Variants in NCCRP1 observed in about 807,000 individuals in gnomAD.
NCCRP1 encodes NCCRP1, F-box associated domain containing.
Under a neutral mutation model 34.4 loss-of-function variants are expected in NCCRP1, and 32 were observed. The ratio of observed to expected loss-of-function variants is 0.93; its 90% confidence interval spans 0.70 to 1.25. The LOEUF is 1.25. Ranked by LOEUF, NCCRP1 falls within the 50% of genes most tolerant of loss-of-function variation. The pLI, the probability that NCCRP1 is intolerant of heterozygous loss-of-function variation, is 0.00. For missense variants in NCCRP1, 372 were observed against 391.8 expected, an observed-to-expected ratio of 0.95 and a Z score of 0.43; for synonymous variants, 172 against 180.1, an observed-to-expected ratio of 0.95 and a Z score of 0.36.
rs1295146262 is a variant in NCCRP1 at position 39,200,523 on chromosome 19, G to C, written c.687+39G>C. On this transcript the variant is annotated intron_variant, in intron 5 of 5. Coordinates refer to ENST00000339852, the MANE Select transcript of NCCRP1 (RefSeq NM_001001414.2). The surrounding 1 kb of genome is among the most constrained non-coding windows in gnomAD (Gnocchi z 5.8). ...CGCCGGGGCCCTCAACCCCAGACGTGTGTTCTTGTCCCAAGACCTCACAGA... is the reference window on the plus strand; with the variant it reads ...CGCCGGGGCCCTCAACCCCAGACGTCTGTTCTTGTCCCAAGACCTCACAGA... 2 of 1,610,854 alleles carry C rather than the reference G, an allele frequency of 1.2e-6. No homozygotes were observed. Among genetic ancestry groups the C allele is most frequent in the African/African-American group, 2.7e-5 (2 of 74,888 alleles).
chr19:39,199,172 G>C lies in NCCRP1; in HGVS notation c.455G>C (p.Trp152Ser). The C allele has an allele frequency of 2.5e-6, 4 of 1,613,992 alleles. No individual in the cohort carries two copies. Among genetic ancestry groups the C allele is most frequent in the Non-Finnish European group, 3.4e-6 (4 of 1,179,878 alleles). ...CTCTCCCGGCCCTTCTTTCACAGCT[G>C]GACAGTGAAGCAGCAGTGTGTGGAC... The part of the protein sequence containing the change: ...RTEKLQQNQS[W>S]TVKQQCVDLL... The change falls in exon 4 of 6, where the codon TGG becomes TCG. Residue 152 changes from tryptophan to serine, a missense_variant and splice_region_variant. Coordinates refer to ENST00000339852, the MANE Select transcript of NCCRP1 (RefSeq NM_001001414.2).
At position 39,201,209 on chromosome 19, in the gene NCCRP1, C is replaced by T. The variant is rs756725904; in HGVS notation, c.*453C>T. On this transcript the variant is annotated 3_prime_UTR_variant, in exon 6 of 6. Transcript: ENST00000339852. ...TCAGTTCCTGTCCCATTTAACCGCC[C>T]CGATCCTTGATCTTCCATTACCTTC... 13 of 165,042 alleles carry T rather than the reference C, an allele frequency of 7.9e-5. No individual in the cohort carries two copies. Among genetic ancestry groups the T allele is most frequent in the Non-Finnish European group, 1.3e-4 (10 of 76,484 alleles). The allele number at this position is 165,042 out of a possible 1,614,324, so 10.2% of individuals were successfully genotyped here.
intron 1 of NCCRP1, 123 bp downstream of exon 1, chr19:39,197,442 CTG>C: frequency 1.2e-6 from 1 of 860,400 alleles, no homozygotes; most frequent in Non-Finnish European, 1.6e-6. Flanking sequence ...CTGCATCCCT[CTG>C]TCTCTTTTTC....
chr19:39,200,364 G>A lies in NCCRP1; in HGVS notation c.567G>A (p.Leu189=), dbSNP rs1354935340. 2 of 1,613,596 alleles carry A rather than the reference G, an allele frequency of 1.2e-6. No homozygotes were observed. The highest frequency in any genetic ancestry group is 2.7e-5 in the African/African-American group (2 of 74,930). ...TVMDWFEDSR[L]DACVYELHVW... is the part of the protein sequence containing the mutation. Reference sequence around the variant, plus strand: ...CCTGCAGGTTCGAGGACAGCCGGCTGGATGCGTGCGTCTATGAGCTGCATG... The same window carrying A: ...CCTGCAGGTTCGAGGACAGCCGGCTAGATGCGTGCGTCTATGAGCTGCATG... Residue 189 remains leucine (L), a synonymous_variant, in exon 5 of 6, where the codon CTG becomes CTA. Coordinates refer to ENST00000339852, the MANE Select transcript of NCCRP1 (RefSeq NM_001001414.2). The surrounding 1 kb of genome is among the most constrained non-coding windows in gnomAD (Gnocchi z 5.8).
Position 39,197,168 on chromosome 19 carries a change from G to A in NCCRP1, c.186G>A (p.Ala62=), listed in dbSNP as rs2074765603. ...APEAPELPEP[A]QPSEAHARQL... The stretch of plus-strand genomic sequence containing the variant: ...AGGCCCCCGAGCTCCCCGAGCCGGC[G>A]CAGCCGTCCGAGGCTCACGCCCGGC... The change falls in exon 1 of 6, where the codon GCG becomes GCA. Residue 62 remains alanine, a synonymous_variant. Coordinates refer to ENST00000339852, the MANE Select transcript of NCCRP1 (RefSeq NM_001001414.2). The A allele has an allele frequency of 6.9e-7, 1 of 1,440,076 alleles. No homozygotes were observed. The allele number at this position is 1,440,076 out of a possible 1,614,324, so 89.2% of individuals were successfully genotyped here.
In NCCRP1 at chr19:39,199,272, G is replaced by A. The variant is rs951959569; in HGVS notation, c.548+7G>A. ...CCATTACGGTCATGGACTGGTGCGTGCCCCTCCCCTGCCAGCCTGACCCCG... is the reference window on the plus strand; with the variant it reads ...CCATTACGGTCATGGACTGGTGCGTACCCCTCCCCTGCCAGCCTGACCCCG... On this transcript the variant is annotated splice_region_variant and intron_variant, in intron 4 of 5. Coordinates refer to ENST00000339852, the MANE Select transcript of NCCRP1 (RefSeq NM_001001414.2). 1.2e-6 allele frequency: 2 copies of A among 1,612,426 alleles called. No individual in the cohort carries two copies. The highest frequency in any genetic ancestry group is 1.7e-5 in the Admixed American group (1 of 59,958).
rs2144933719 is a variant in NCCRP1 at position 39,200,388 on chromosome 19, T to C, written c.591T>C (p.His197=). 1 of 1,613,748 alleles carries C rather than the reference T, an allele frequency of 6.2e-7. No homozygotes were observed. The highest frequency in any genetic ancestry group is 8.5e-7 in the Non-Finnish European group (1 of 1,179,998). The change falls in exon 5 of 6, where the codon CAT becomes CAC. Residue 197 remains histidine, a synonymous_variant. Coordinates refer to ENST00000339852, the MANE Select transcript of NCCRP1 (RefSeq NM_001001414.2). The surrounding 1 kb of genome is among the most constrained non-coding windows in gnomAD (Gnocchi z 5.8). ...TGGATGCGTGCGTCTATGAGCTGCA[T>C]GTCTGGCTGCTGGCGGCCGACCGCC... ...SRLDACVYEL[H]VWLLAADRRT...
At position 39,198,126 on chromosome 19, in the gene NCCRP1, G is replaced by A. The variant is rs370354307; in HGVS notation, c.400+11G>A. 1.2e-6 allele frequency: 2 copies of A among 1,614,062 alleles called. No individual in the cohort carries two copies. The highest frequency in any genetic ancestry group is 1.7e-6 in the Non-Finnish European group (2 of 1,180,014). ...CCCTGGAAACTCTGGGTAAGTGCTT[G>A]GAGGGCCAGGTTGCTGAGGGTGGGG... On this transcript the variant is annotated intron_variant, in intron 2 of 5. Transcript: ENST00000339852.
At chr19:39,199,065 G>A (rs974692589) in intron 3 of NCCRP1, 105 bp from the exon 4 acceptor site, 41 of 1,021,680 alleles carry the variant, frequency 4.0e-5, no homozygotes, top group South Asian at 5.4e-5. Context: ...AGCACCCCAC[G>A]TGTGGGGACC....
chr19:39,197,016 G>C lies in NCCRP1; in HGVS notation c.34G>C (p.Gly12Arg). The change falls in exon 1 of 6, where the codon GGC becomes CGC. Residue 12 changes from glycine to arginine, a missense_variant. Physicochemically the swap from Gly to Arg is moderately radical, Grantham distance 125 (BLOSUM62 -2). Coordinates refer to ENST00000339852, the MANE Select transcript of NCCRP1 (RefSeq NM_001001414.2). ...EEVREGHALGGGMEADGPASL... is the reference protein window; with the variant it reads ...EEVREGHALGRGMEADGPASL... ...GGTGCGTGAGGGACACGCGCTCGGTGGCGGGATGGAAGCCGATGGGCCCGC... is the reference window on the plus strand; with the variant it reads ...GGTGCGTGAGGGACACGCGCTCGGTCGCGGGATGGAAGCCGATGGGCCCGC... The C allele has an allele frequency of 3.3e-6, 5 of 1,535,632 alleles. No homozygotes were observed. The highest frequency in any genetic ancestry group is 4.4e-6 in the Non-Finnish European group (5 of 1,147,890).
At position 39,200,342 on chromosome 19, in the gene NCCRP1, G is replaced by A; in HGVS notation, c.549-4G>A. The A allele has an allele frequency of 1.9e-6, 3 of 1,613,142 alleles. No homozygotes were observed. Among genetic ancestry groups the A allele is most frequent in the African/African-American group, 2.7e-5 (2 of 75,050 alleles). ...ACAGCTGAAGGCCTTGACTCCGCCT[G>A]CAGGTTCGAGGACAGCCGGCTGGAT... On this transcript the variant is annotated splice_polypyrimidine_tract_variant and splice_region_variant and intron_variant, in intron 4 of 5. Transcript: ENST00000339852. This position sits in a 1 kb window ranked among gnomAD's most constrained non-coding sequence, Gnocchi z 5.8.
Position 39,200,561 on chromosome 19 carries a change from G to A in NCCRP1, c.688-55G>A. On this transcript the variant is annotated intron_variant, in intron 5 of 5. Coordinates refer to ENST00000339852, the MANE Select transcript of NCCRP1 (RefSeq NM_001001414.2). The surrounding 1 kb of genome is among the most constrained non-coding windows in gnomAD (Gnocchi z 5.8). The stretch of plus-strand genomic sequence containing the variant: ...AAGACCTCACAGAGGGAGGAGAACA[G>A]GTCCGCGGGTCCTCAAAAAGGGCTC... The A allele has an allele frequency of 6.2e-7, 1 of 1,610,836 alleles. No homozygotes were observed. Among genetic ancestry groups the A allele is most frequent in the Non-Finnish European group, 8.5e-7 (1 of 1,178,530 alleles).
At position 39,200,411 on chromosome 19, in the gene NCCRP1, G is replaced by T; in HGVS notation, c.614G>T (p.Arg205Leu). The change falls in exon 5 of 6, where the codon CGC becomes CTC. Residue 205 changes from arginine (R) to leucine (L), a missense_variant. By Grantham distance (102) the Arg-to-Leu change is moderately radical (BLOSUM62 -2). Transcript: ENST00000339852. This position sits in a 1 kb window ranked among gnomAD's most constrained non-coding sequence, Gnocchi z 5.8. ...CATGTCTGGCTGCTGGCGGCCGACC[G>T]CCGCACGGTCATTGCTCAGCACCAC... ...ELHVWLLAAD[R>L]RTVIAQHHVA... The T allele has an allele frequency of 1.2e-6, 2 of 1,613,448 alleles. No homozygotes were observed. The highest frequency in any genetic ancestry group is 8.5e-7 in the Non-Finnish European group (1 of 1,180,008).
At position 39,200,918 on chromosome 19, in the gene NCCRP1, C is replaced by A; in HGVS notation, c.*162C>A. On this transcript the variant is annotated 3_prime_UTR_variant, in exon 6 of 6. Coordinates refer to ENST00000339852, the MANE Select transcript of NCCRP1 (RefSeq NM_001001414.2). The surrounding 1 kb of genome is among the most constrained non-coding windows in gnomAD (Gnocchi z 5.8). ...GCGGTGGACTCCAGCATTTTCCCAG[C>A]ACTGTCTGAGCCCCATGAGGGCGGA... The A allele has an allele frequency of 2.3e-6, 2 of 871,076 alleles. No individual in the cohort carries two copies. Among genetic ancestry groups the A allele is most frequent in the Non-Finnish European group, 3.5e-6 (2 of 578,054 alleles). The allele number at this position is 871,076 out of a possible 1,614,324, so 54.0% of individuals were successfully genotyped here. A position where few individuals can be genotyped will look rare whatever the true frequency, so the allele number is the denominator to read the frequency against.
In NCCRP1 at chr19:39,198,483, G is replaced by T. The variant is rs529664227; in HGVS notation, c.452+230G>T. On this transcript the variant is annotated intron_variant, in intron 3 of 5. Transcript: ENST00000339852. ...GGTTTTTGGTTTTTGTTTTTAAGAT[G>T]AAGTCTCACTCTGTTGCCCAGACTG... Among the ~76,000 whole-genome samples the T allele has an allele frequency of 2.0e-5, 3 of 152,270 alleles. No individual in the cohort carries two copies. The South Asian group carries it at 6.2e-4, about 32-fold the overall frequency.
rs1253070679 is a variant in NCCRP1 at position 39,200,765 on chromosome 19, C to T, written c.*9C>T. 3 of 1,606,968 alleles carry T rather than the reference C, an allele frequency of 1.9e-6. No homozygotes were observed. The highest frequency in any genetic ancestry group is 1.3e-5 in the African/African-American group (1 of 75,030). On this transcript the variant is annotated 3_prime_UTR_variant, in exon 6 of 6. Transcript: ENST00000339852. The surrounding 1 kb of genome is among the most constrained non-coding windows in gnomAD (Gnocchi z 5.8). Reference sequence around the variant, plus strand: ...TGCAGCTCCGGGAGTGACTGGCTGGCTCCTCTGTCCTGACCCCACAGCACC... The same window carrying T: ...TGCAGCTCCGGGAGTGACTGGCTGGTTCCTCTGTCCTGACCCCACAGCACC...
intron 1 of NCCRP1, 43 bp downstream of exon 1, chr19:39,197,362 G>GTC (rs920930557): frequency 2.2e-5 from 30 of 1,364,558 alleles, no homozygotes; most frequent in Non-Finnish European, 2.6e-5. Flanking sequence ...CACCCTGACC[G>GTC]TCTGTCTCTT....
intron 4 of NCCRP1, 146 bp downstream of exon 4, chr19:39,199,411 C>T: frequency 3.2e-6 from 2 of 632,016 alleles, no homozygotes; most frequent in South Asian, 2.1e-5. Context: ...CCTCCCTGGC[C>T]CCTTCTGTTT....
In NCCRP1 at chr19:39,200,210, G is replaced by A; in HGVS notation, c.549-136G>A. The A allele has an allele frequency of 8.7e-7, 1 of 1,145,360 alleles. No homozygotes were observed. The allele number at this position is 1,145,360 out of a possible 1,614,324, so 70.9% of individuals were successfully genotyped here. ...GTGGGGCTGTCTTGGTCACTGCTAT[G>A]TTGCCAGCACCACCCAGCTCAGGGC... On this transcript the variant is annotated intron_variant, in intron 4 of 5. Transcript: ENST00000339852. The surrounding 1 kb of genome is among the most constrained non-coding windows in gnomAD (Gnocchi z 5.8).
Sources: gnomAD v4.1 joint callset for allele counts (sites outside exome capture counted in the v4.1 genomes callset) on GRCh38, gnomAD v4.1.1 for gene constraint, Gnocchi (gnomAD v3.1) non-coding constraint, MANE v1.5 for transcripts, NCBI Gene and HGNC (gene_info 2026-07-23, HGNC 2026-07-21) for gene names.